Variants in MYT1L observed in about 807,000 individuals in gnomAD.
MYT1L encodes myelin transcription factor 1-like protein.
In MYT1L, 12 loss-of-function variants were observed where a neutral mutation model predicts 126.7. The ratio of observed to expected loss-of-function variants is 0.09; its 90% CI spans 0.06 to 0.15. The LOEUF (loss-of-function observed/expected upper bound fraction) is 0.15, where lower values mean the gene tolerates loss of function less well. MYT1L is among the 10% of genes least tolerant of loss of function. The probability of loss-of-function intolerance (pLI) is 1.00; values close to 1 mark genes in which losing one functional copy is unlikely to be tolerated. For synonymous variants in MYT1L, 541 were observed against 604.2 expected, an observed-to-expected ratio of 0.90 and a Z score of 1.53; for missense variants, 979 against 1,585.2, an observed-to-expected ratio of 0.62 and a Z score of 6.49.
chr2:2,321,056 T>C (rs775956295), intron 1 of MYT1L, among the ~76,000 whole-genome samples: 6 of 152,242 alleles, frequency 3.9e-5, no homozygotes, highest in Non-Finnish European at 7.3e-5. Context: ...GCTTGGAATA[T>C]ATTTTACAAA....
At chr2:1,899,599 T>C (rs867533053) in intron 14 of MYT1L, among the ~76,000 whole-genome samples, 1 of 152,220 alleles carries the variant, frequency 6.6e-6, no homozygotes. Context: ...TTCCCTGTTC[T>C]TCCTTCTCAC....
intron 2 of MYT1L, among the ~76,000 whole-genome samples, chr2:2,186,095 AGGCCTTCCG>A (rs1357352160): frequency 2.3e-5 from 2 of 88,420 alleles, no homozygotes; most frequent in Non-Finnish European, 4.3e-5. Context: ...GGACGCAGCC[AGGCCTTCCG>A]GGCCTTCCGG....
intron 5 of MYT1L, among the ~76,000 whole-genome samples, chr2:1,982,652 C>G (rs1290286899): frequency 6.6e-6 from 1 of 152,148 alleles, no homozygotes; most frequent in Non-Finnish European, 1.5e-5. Context: ...CTTGGAGAGA[C>G]AGGTGTGTTC....
intron 2 of MYT1L, among the ~76,000 whole-genome samples, chr2:2,187,369 C>T (rs1357002357): frequency 1.3e-5 from 2 of 152,028 alleles, no homozygotes; most frequent in Non-Finnish European, 2.9e-5. Context: ...CACAATCAAG[C>T]CCGGGGAAGG....
chr2:2,087,109 C>T (rs539313677), intron 3 of MYT1L, among the ~76,000 whole-genome samples: 2 of 152,310 alleles, frequency 1.3e-5, no homozygotes, highest in East Asian at 3.9e-4. Flanking sequence ...CGTAACTCCC[C>T]GTGACACCAC....
intron 3 of MYT1L, among the ~76,000 whole-genome samples, chr2:2,150,612 GATA>G (rs1460735267): frequency 3.9e-5 from 6 of 152,116 alleles, no homozygotes; most frequent in Admixed American, 1.3e-4. Context: ...CACAGATCAT[GATA>G]ATAATTTATT....
chr2:2,301,826 A>T (rs745703004), intron 1 of MYT1L, among the ~76,000 whole-genome samples: 82 of 109,556 alleles, frequency 7.5e-4, no homozygotes, highest in South Asian at 1.7e-3. Context: ...CTGTCTGTCT[A>T]AAAAAAAAAA....
In MYT1L at chr2:2,169,149, T is replaced by C. The variant is rs185935539; in HGVS notation, c.-304+3723A>G. On this transcript the variant is annotated intron_variant, in intron 3 of 24. Transcript: ENST00000647738. ...AGCAACTTCTCTGCAGATGATGGGG[T>C]AGAATTAGGATTTGTTCTCCAGTCT... 3.8e-3 allele frequency among the ~76,000 whole-genome samples: 583 copies of C among 152,260 alleles called. 2 individuals are homozygous for C. The highest frequency in any genetic ancestry group is 7.0e-3 in the Non-Finnish European group (473 of 68,018).
chr2:2,201,769 T>C (rs1157545159), intron 2 of MYT1L, among the ~76,000 whole-genome samples: 1 of 152,144 alleles, frequency 6.6e-6, no homozygotes, highest in African/African-American at 2.4e-5. Flanking sequence ...AACTCTCTAA[T>C]CTGTAGTTTA....
chr2:1,906,662 C>T (rs953167053), intron 13 of MYT1L, among the ~76,000 whole-genome samples: 3 of 151,968 alleles, frequency 2.0e-5, no homozygotes, highest in African/African-American at 4.8e-5. Flanking sequence ...TTAATTTAGC[C>T]GATTTACTTC....
At chr2:2,283,784 C>T (rs770119556) in intron 2 of MYT1L, among the ~76,000 whole-genome samples, 5 of 152,242 alleles carry the variant, frequency 3.3e-5, no homozygotes, top group Admixed American at 2.0e-4. Flanking sequence ...CAAGGATGTG[C>T]GTCTATGGAA....
intron 4 of MYT1L, among the ~76,000 whole-genome samples, chr2:2,037,195 C>T (rs1031840860): frequency 1.8e-4 from 28 of 152,206 alleles, no homozygotes; most frequent in African/African-American, 6.3e-4. Flanking sequence ...GCTGCCTGCA[C>T]GATATTCTTA....
intron 2 of MYT1L, among the ~76,000 whole-genome samples, chr2:2,253,344 G>A (rs897067995): frequency 2.6e-5 from 4 of 152,296 alleles, no homozygotes; most frequent in South Asian, 2.1e-4. Flanking sequence ...AGCGTTAGGC[G>A]CTTTCTCTAC....
intron 2 of MYT1L, among the ~76,000 whole-genome samples, chr2:2,259,181 G>T (rs2094893796): frequency 1.2e-5 from 1 of 83,952 alleles, no homozygotes; most frequent in Admixed American, 1.3e-4. Context: ...ACTCATAGGT[G>T]GGAATTGAAC....
chr2:2,178,635 T>TG (rs2091088812), intron 2 of MYT1L, among the ~76,000 whole-genome samples: 1 of 152,152 alleles, frequency 6.6e-6, no homozygotes, highest in African/African-American at 2.4e-5. Flanking sequence ...AGCCCACTCA[T>TG]GGATAGTGAG....
At chr2:1,977,436 G>A (rs569123938) in intron 8 of MYT1L, among the ~76,000 whole-genome samples, 1 of 152,292 alleles carries the variant, frequency 6.6e-6, no homozygotes, top group South Asian at 2.1e-4. Context: ...GAAACGTCAC[G>A]ATTTTTCCTG....
At chr2:2,312,655 A>G (rs2095993664) in intron 1 of MYT1L, among the ~76,000 whole-genome samples, 1 of 152,276 alleles carries the variant, frequency 6.6e-6, no homozygotes, top group Admixed American at 6.5e-5. Context: ...CATCACTAGT[A>G]GCTTTTTTGA....
intron 2 of MYT1L, among the ~76,000 whole-genome samples, chr2:2,237,800 G>C (rs546209012): frequency 6.6e-6 from 1 of 152,232 alleles, no homozygotes; most frequent in East Asian, 1.9e-4. Flanking sequence ...GACTGACAGA[G>C]ATGGCATCTG....
chr2:2,089,124 T>TG (rs1341986642), intron 3 of MYT1L, among the ~76,000 whole-genome samples: 1 of 152,158 alleles, frequency 6.6e-6, no homozygotes, highest in Non-Finnish European at 1.5e-5. Context: ...GCTTTACACA[T>TG]GGAGGAAAAT....
Sources: gnomAD v4.1 joint callset for allele counts (sites outside exome capture counted in the v4.1 genomes callset) on GRCh38, gnomAD v4.1.1 for gene constraint, MANE v1.5 for transcripts, NCBI Gene and HGNC (gene_info 2026-07-23, HGNC 2026-07-21) for gene names.